The following EFNA5 variants were observed in gnomAD, a reference collection of about 807,000 sequenced individuals.
The protein encoded by EFNA5 is ephrin A5, also known as ephrin-A5.
EFNA5 carries 5 observed loss-of-function variants against 22.9 expected under a neutral mutation model. That is an observed-to-expected ratio of 0.22 (90% confidence interval 0.11 to 0.46). EFNA5 has a LOEUF of 0.46. Ranked by LOEUF, EFNA5 falls within the 20% of genes least tolerant of loss-of-function variation. The pLI, the probability that EFNA5 is intolerant of heterozygous loss-of-function variation, is 0.99. For missense variants in EFNA5, 237 were observed against 293.3 expected (o/e 0.81, Z 1.40); for synonymous variants, 113 against 112.2 (o/e 1.01, Z -0.04).
At chr5:107,637,975 T>C (rs1193131028) in intron 1 of EFNA5, among the ~76,000 whole-genome samples, 1 of 151,216 alleles carries the variant, frequency 6.6e-6, no homozygotes, top group Non-Finnish European at 1.5e-5. Flanking sequence ...GCCTCCCAAG[T>C]AGCTGGGACT....
chr5:107,647,683 C>T (rs1750654134), intron 1 of EFNA5, among the ~76,000 whole-genome samples: 1 of 152,184 alleles, frequency 6.6e-6, no homozygotes, highest in African/African-American at 2.4e-5. Context: ...AGCAAACACA[C>T]ATTTTACTGT....
intron 2 of EFNA5, among the ~76,000 whole-genome samples, chr5:107,402,446 ATAATAT>A (rs1748111611): frequency 6.6e-6 from 1 of 152,228 alleles, no homozygotes; most frequent in Non-Finnish European, 1.5e-5. Flanking sequence ...ACTATGAAAA[ATAATAT>A]TAATTACTTT....
At chr5:107,514,991 G>A (rs901803857) in intron 1 of EFNA5, among the ~76,000 whole-genome samples, 1 of 152,128 alleles carries the variant, frequency 6.6e-6, no homozygotes, top group Non-Finnish European at 1.5e-5. Context: ...GTGAATGCCG[G>A]CAGGAACTAA....
intron 1 of EFNA5, among the ~76,000 whole-genome samples, chr5:107,649,502 A>T (rs1750687714): frequency 6.6e-6 from 1 of 152,182 alleles, no homozygotes; most frequent in South Asian, 2.1e-4. Context: ...TAATATGTAG[A>T]TTTCATGGAT....
intron 1 of EFNA5, among the ~76,000 whole-genome samples, chr5:107,563,423 A>C (rs760877172): frequency 1.3e-5 from 2 of 151,792 alleles, no homozygotes; most frequent in Non-Finnish European, 2.9e-5. Context: ...TTTATTTTTA[A>C]AAGTTATTAT....
chr5:107,483,914 C>T (rs1750549952), intron 1 of EFNA5, among the ~76,000 whole-genome samples: 1 of 152,194 alleles, frequency 6.6e-6, no homozygotes, highest in Admixed American at 6.5e-5. Context: ...AGCAGAGTTA[C>T]TCCCTGAGAG....
At chr5:107,552,075 A>G (rs1429742759) in intron 1 of EFNA5, among the ~76,000 whole-genome samples, 2 of 152,064 alleles carry the variant, frequency 1.3e-5, no homozygotes, top group Non-Finnish European at 2.9e-5. Context: ...TGCATACACT[A>G]TAAAAAGTGA....
intron 1 of EFNA5, among the ~76,000 whole-genome samples, chr5:107,621,157 A>G (rs1306420239): frequency 6.6e-6 from 1 of 152,216 alleles, no homozygotes; most frequent in Non-Finnish European, 1.5e-5. Context: ...CTGAAAGGCA[A>G]CTGTGGCAGA....
chr5:107,476,859 G>A (rs918497071), intron 1 of EFNA5, among the ~76,000 whole-genome samples: 1 of 151,896 alleles, frequency 6.6e-6, no homozygotes, highest in African/African-American at 2.4e-5. Flanking sequence ...ATGATTTGAT[G>A]TGGTTCACAA....
chr5:107,534,801 A>G (rs1747895702), intron 1 of EFNA5, among the ~76,000 whole-genome samples: 1 of 152,204 alleles, frequency 6.6e-6, no homozygotes, highest in Middle Eastern at 3.2e-3. Context: ...ACAGGATACT[A>G]GCAAATTTAT....
intron 1 of EFNA5, among the ~76,000 whole-genome samples, chr5:107,658,633 A>T (rs1750877325): frequency 6.6e-6 from 1 of 152,194 alleles, no homozygotes; most frequent in South Asian, 2.1e-4. Flanking sequence ...TACAACCAAG[A>T]GTCCTTGAAG....
At chr5:107,606,138 C>G (rs1749707485) in intron 1 of EFNA5, among the ~76,000 whole-genome samples, 1 of 152,206 alleles carries the variant, frequency 6.6e-6, no homozygotes, top group South Asian at 2.1e-4. Flanking sequence ...CTTAAGAATT[C>G]TACGTGCTCA....
rs186748585 is a variant in EFNA5, at chr5:107,556,175, G to C, written c.125+114314C>G. ...ATGCTATCCCCATCAAGGCTGTCCA[G>C]ACCTGGCACTCACAGTTTCCTATCC... is the stretch of plus-strand genomic sequence containing the variant. On this transcript the variant is annotated intron_variant, in intron 1 of 4. Coordinates refer to ENST00000333274, the MANE Select transcript of EFNA5 (RefSeq NM_001962.3). 3.7e-3 allele frequency among the ~76,000 whole-genome samples: 564 copies of C among 152,282 alleles called. 2 individuals are homozygous for C. Among genetic ancestry groups the C allele is most frequent in the South Asian group, 0.016 (79 of 4,826 alleles).
chr5:107,484,081 C>A (rs924202601), intron 1 of EFNA5, among the ~76,000 whole-genome samples: 17 of 152,198 alleles, frequency 1.1e-4, no homozygotes, highest in African/African-American at 4.1e-4. Context: ...TGGTACCCAT[C>A]TGCCTTAAAG....
At chr5:107,669,273 C>T (rs545379752) in intron 1 of EFNA5, among the ~76,000 whole-genome samples, 26 of 151,976 alleles carry the variant, frequency 1.7e-4, no homozygotes, top group Middle Eastern at 6.8e-3. Context: ...TTAGGCTAAC[C>T]CCTCGGCCTC....
intron 1 of EFNA5, among the ~76,000 whole-genome samples, chr5:107,581,593 C>G (rs1749074360): frequency 6.6e-6 from 1 of 152,154 alleles, no homozygotes; most frequent in Non-Finnish European, 1.5e-5. Context: ...ACCGCCAGGC[C>G]CAAGGCTGGG....
chr5:107,659,028 ATATAAT>A (rs1432147700), intron 1 of EFNA5, among the ~76,000 whole-genome samples: 1 of 152,186 alleles, frequency 6.6e-6, no homozygotes, highest in Non-Finnish European at 1.5e-5. Flanking sequence ...ATACTCTGTA[ATATAAT>A]TATATGTATA....
At chr5:107,547,176 C>A (rs915396938) in intron 1 of EFNA5, among the ~76,000 whole-genome samples, 1 of 152,104 alleles carries the variant, frequency 6.6e-6, no homozygotes, top group Non-Finnish European at 1.5e-5. Context: ...TACACTGTAC[C>A]ATTGGCCTGT....
intron 1 of EFNA5, among the ~76,000 whole-genome samples, chr5:107,655,341 A>G (rs1055444573): frequency 4.6e-5 from 7 of 152,136 alleles, no homozygotes; most frequent in Non-Finnish European, 1.0e-4. Flanking sequence ...CTGCTTTTGT[A>G]CAAAATGATA....
Sources: allele counts gnomAD v4.1 joint callset (sites outside exome capture counted in the v4.1 genomes callset), GRCh38; gene constraint gnomAD v4.1.1; transcripts MANE v1.5; gene names NCBI Gene and HGNC (gene_info 2026-07-23, HGNC 2026-07-21).